Variants in BCL2 observed in about 807,000 individuals in gnomAD.
BCL2 encodes the protein apoptosis regulator Bcl-2.
In BCL2, 1 loss-of-function variant was observed where a neutral mutation model predicts 14.2. The ratio of observed to expected loss-of-function variants is 0.07; its 90% confidence interval spans 0.02 to 0.33. The LOEUF is 0.33. BCL2 is among the 10% of genes least tolerant of loss of function. The probability of loss-of-function intolerance (pLI) is 0.99; values close to 1 mark genes in which losing one functional copy is unlikely to be tolerated. For missense variants in BCL2, 247 were observed against 305.9 expected, an observed-to-expected ratio of 0.81 and a Z score of 1.44; for synonymous variants, 151 against 137.2, an observed-to-expected ratio of 1.10 and a Z score of -0.70.
At chr18:63,268,054 C>T (rs1911887065) in intron 2 of BCL2, among the ~76,000 whole-genome samples, 1 of 152,216 alleles carries the variant, frequency 6.6e-6, no homozygotes, top group Admixed American at 6.5e-5. Context: ...CCTTTTGCAT[C>T]TCTTTTCACG....
chr18:63,254,541 C>A (rs989967972), intron 2 of BCL2, among the ~76,000 whole-genome samples: 1 of 151,194 alleles, frequency 6.6e-6, no homozygotes, highest in Non-Finnish European at 1.5e-5. Flanking sequence ...GGCAACAGAG[C>A]AAGACCCTGC....
intron 2 of BCL2, among the ~76,000 whole-genome samples, chr18:63,169,373 T>TTC (rs1343508111): frequency 0.044 from 3,416 of 77,862 alleles, 350 homozygotes; most frequent in Middle Eastern, 0.055. Context: ...TTCTTTCTCT[T>TTC]TCTTTCTTTC....
intron 2 of BCL2, among the ~76,000 whole-genome samples, chr18:63,296,964 G>A (rs1457979935): frequency 6.6e-6 from 1 of 152,220 alleles, no homozygotes; most frequent in East Asian, 1.9e-4. Context: ...TGTAATCCCA[G>A]CACTTTGGGA....
chr18:63,292,035 C>G (rs974817748), intron 2 of BCL2, among the ~76,000 whole-genome samples: 3 of 152,088 alleles, frequency 2.0e-5, no homozygotes, highest in African/African-American at 7.2e-5. Context: ...GTGGACAGAT[C>G]ATGATAGTGA....
At chr18:63,263,014 A>G (rs1228192499) in intron 2 of BCL2, among the ~76,000 whole-genome samples, 1 of 152,220 alleles carries the variant, frequency 6.6e-6, no homozygotes, top group Non-Finnish European at 1.5e-5. Flanking sequence ...AAGTTGGAGT[A>G]AAGAAGCTAC....
intron 2 of BCL2, among the ~76,000 whole-genome samples, chr18:63,164,022 A>G (rs1914983814): frequency 6.6e-6 from 1 of 152,236 alleles, no homozygotes; most frequent in Admixed American, 6.5e-5. Flanking sequence ...TAAATCCATC[A>G]TGAGTCAAGT....
intron 2 of BCL2, among the ~76,000 whole-genome samples, chr18:63,188,372 T>C (rs1292535972): frequency 6.6e-6 from 1 of 152,182 alleles, no homozygotes; most frequent in African/African-American, 2.4e-5. Flanking sequence ...TTTACAATTT[T>C]GGAGGTTTAG....
At position 63,317,887 on chromosome 18, in the gene BCL2, T is replaced by C. The variant is rs1028044180; in HGVS notation, c.585+195A>G. On this transcript the variant is annotated intron_variant, in intron 2 of 2. Transcript: ENST00000333681. ...AGCAAGCAAGTTAAAGACTTTTAGA[T>C]GGCAGGCGTTATCGGTCAGGTTGGG... The C allele has an allele frequency of 2.1e-6, 3 of 1,425,050 alleles. No homozygotes were observed. The African/African-American group carries it at 4.3e-5, about 21-fold the overall frequency. 88.3% of individuals were successfully genotyped at this position (1,425,050 alleles called of 1,614,324 possible).
intron 2 of BCL2, among the ~76,000 whole-genome samples, chr18:63,133,526 G>A (rs1368286433): frequency 6.6e-6 from 1 of 151,972 alleles, no homozygotes; most frequent in Non-Finnish European, 1.5e-5. Context: ...GGCCTCAAGT[G>A]ATCCTCCCAC....
intron 2 of BCL2, among the ~76,000 whole-genome samples, chr18:63,159,397 A>G (rs1174341253): frequency 2.0e-5 from 3 of 152,154 alleles, no homozygotes; most frequent in Non-Finnish European, 4.4e-5. Flanking sequence ...TCTATGTTTT[A>G]TTTTTCCTGT....
intron 2 of BCL2, among the ~76,000 whole-genome samples, chr18:63,218,779 C>CCG (rs1910296795): frequency 2.1e-5 from 2 of 93,976 alleles, no homozygotes; most frequent in South Asian, 3.7e-4. Flanking sequence ...CATCCCCATC[C>CCG]TCCACTCATC....
chr18:63,257,175 T>A (rs184205991), intron 2 of BCL2, among the ~76,000 whole-genome samples: 80 of 152,300 alleles, frequency 5.3e-4, no homozygotes, highest in Non-Finnish European at 1.1e-3. Context: ...TGAAAAGCAT[T>A]GAAATCCAAA....
intron 2 of BCL2, among the ~76,000 whole-genome samples, chr18:63,285,445 TC>T (rs528067765): frequency 4.5e-4 from 69 of 152,270 alleles, no homozygotes; most frequent in African/African-American, 1.6e-3. Flanking sequence ...TCCCAACATC[TC>T]CCCAAGAATG....
intron 2 of BCL2, among the ~76,000 whole-genome samples, chr18:63,280,794 A>C (rs968401416): frequency 1.2e-4 from 19 of 152,192 alleles, no homozygotes; most frequent in Admixed American, 9.8e-4. Flanking sequence ...AAAAATTAAA[A>C]ATAGAATTAC....
In BCL2 at chr18:63,156,764, C is replaced by T. The variant is rs546896247; in HGVS notation, c.586-28005G>A. ...CTAACTCTGCTCAGTAACTGCAACC[C>T]CATGGACTTCATAATGGCCAAGGGG... is the stretch of plus-strand genomic sequence containing the variant. On this transcript the variant is annotated intron_variant, in intron 2 of 2. Transcript: ENST00000333681. Among the ~76,000 whole-genome samples, 3 of 152,294 alleles carry T rather than the reference C, an allele frequency of 2.0e-5. No homozygotes were observed. The South Asian group carries it at 6.2e-4, about 32-fold the overall frequency.
intron 2 of BCL2, chr18:63,151,107 C>G (rs1282574241): frequency 6.6e-6 from 1 of 152,098 alleles, no homozygotes; most frequent in Non-Finnish European, 1.5e-5. Flanking sequence ...AGAAATTTTC[C>G]CCCTTCTTGT....
At chr18:63,281,282 A>G (rs534450298) in intron 2 of BCL2, among the ~76,000 whole-genome samples, 1 of 152,228 alleles carries the variant, frequency 6.6e-6, no homozygotes, top group Non-Finnish European at 1.5e-5. Context: ...AAGAAACTTC[A>G]TGCCACTAAG....
intron 2 of BCL2, among the ~76,000 whole-genome samples, chr18:63,131,038 C>T (rs531512821): frequency 6.6e-6 from 1 of 152,208 alleles, no homozygotes; most frequent in Non-Finnish European, 1.5e-5. Context: ...GAGGGTGCTA[C>T]TGGTATCTAG....
At chr18:63,246,240 C>T (rs1012507252) in intron 2 of BCL2, among the ~76,000 whole-genome samples, 1 of 152,154 alleles carries the variant, frequency 6.6e-6, no homozygotes, top group Non-Finnish European at 1.5e-5. Context: ...TCCGTTTGTT[C>T]TTCCTTCTGT....
Sources: gnomAD v4.1 joint callset for allele counts (sites outside exome capture counted in the v4.1 genomes callset) on GRCh38, gnomAD v4.1.1 for gene constraint, MANE v1.5 for transcripts, NCBI Gene and HGNC (gene_info 2026-07-23, HGNC 2026-07-21) for gene names.